The following ALPL variants were observed in gnomAD, a reference collection of about 807,000 sequenced individuals.
ALPL encodes alkaline phosphatase, tissue-nonspecific isozyme.
Under a neutral mutation model 51.3 loss-of-function variants are expected in ALPL, and 42 were observed. That is an observed-to-expected ratio of 0.82 (90% CI 0.64 to 1.06). The LOEUF (loss-of-function observed/expected upper bound fraction) is 1.06, where lower values mean the gene tolerates loss of function less well. Among genes scored for constraint, ALPL ranks in the 50% least tolerant of loss-of-function variants. The probability of loss-of-function intolerance (pLI) is 0.00; values close to 1 mark genes in which losing one functional copy is unlikely to be tolerated. For synonymous variants in ALPL, 279 were observed against 296.4 expected, an observed-to-expected ratio of 0.94 and a Z score of 0.60; for missense variants, 589 against 709.4, an observed-to-expected ratio of 0.83 and a Z score of 1.93.
Position 21,564,806 on chromosome 1 carries a change from A to T in ALPL, c.648+590A>T, listed in dbSNP as rs1644539883. Among the ~76,000 whole-genome samples, 1 of 152,156 alleles carries T rather than the reference A, an allele frequency of 6.6e-6. No individual in the cohort carries two copies. Among genetic ancestry groups the T allele is most frequent in the Admixed American group, 6.5e-5 (1 of 15,272 alleles). On this transcript the variant is annotated intron_variant, in intron 6 of 11. Transcript: ENST00000374840. This position sits in a 1 kb window ranked among gnomAD's most constrained non-coding sequence, Gnocchi z 5.8. ...GCTTATGCCAAGAACTGATTAAGAT[A>T]ATCCCTGTGGAGCTCAGCACAGGAC...
At chr1:21,563,943 G>T in intron 5 of ALPL, 98 bp from the exon 6 acceptor site, 1 of 1,479,834 alleles carries the variant, frequency 6.8e-7, no homozygotes, top group Non-Finnish European at 9.2e-7. Context: ...GAACTGAAGC[G>T]GGGGCCTGTC....
At chr1:21,565,671 C>T (rs1022865394) in intron 6 of ALPL, among the ~76,000 whole-genome samples, 19 of 152,034 alleles carry the variant, frequency 1.2e-4, no homozygotes, top group East Asian at 1.9e-4. Flanking sequence ...TGAGTGAGGA[C>T]GGAGGACCTG....
chr1:21,514,817 C>T (rs139975421), intron 1 of ALPL, among the ~76,000 whole-genome samples: 73 of 152,250 alleles, frequency 4.8e-4, no homozygotes, highest in Middle Eastern at 3.4e-3. Flanking sequence ...CAGGCACTTT[C>T]GCACATTACC....
chr1:21,553,831 G>A (rs1463659871), intron 1 of ALPL, 147 bp from the exon 2 acceptor site: 1 of 535,210 alleles, frequency 1.9e-6, no homozygotes, highest in Non-Finnish European at 3.4e-6. Flanking sequence ...AGCTGGGTTT[G>A]GCATCCCAAT....
At chr1:21,576,756 G>A (rs1291073607) in intron 11 of ALPL, 115 bp downstream of exon 11, 2 of 1,420,886 alleles carry the variant, frequency 1.4e-6, no homozygotes, top group East Asian at 2.4e-5. Context: ...ACTGGGGCTT[G>A]AGTCCCAGTT....
chr1:21,528,342 GTT>G (rs11368122), intron 1 of ALPL, among the ~76,000 whole-genome samples: 4,509 of 111,880 alleles, frequency 0.04, 248 homozygotes, highest in African/African-American at 0.069. Flanking sequence ...GACCTATTCA[GTT>G]TTTTTTTTTT....
intron 4 of ALPL, among the ~76,000 whole-genome samples, chr1:21,562,423 C>G (rs1644497121): frequency 6.6e-6 from 1 of 152,112 alleles, no homozygotes; most frequent in African/African-American, 2.4e-5. Flanking sequence ...GTAGCTATTG[C>G]TATTGGTGGT....
In ALPL at chr1:21,511,880, G is replaced by T. The variant is rs544628771; in HGVS notation, c.-105+2363G>T. Among the ~76,000 whole-genome samples, 33 of 152,364 alleles carry T rather than the reference G, an allele frequency of 2.2e-4. No homozygotes were observed. In the South Asian group the frequency reaches 6.4e-3, roughly 30 times the overall value. On this transcript the variant is annotated intron_variant, in intron 1 of 11. Coordinates refer to ENST00000374840, the MANE Select transcript of ALPL (RefSeq NM_000478.6). ...GAAGTGAGTTGCCCAGAGGCACACA[G>T]ATGCTACCTGAGGAGCTGGGGCTGG...
At chr1:21,536,497 G>A (rs1644107314) in intron 1 of ALPL, among the ~76,000 whole-genome samples, 1 of 152,182 alleles carries the variant, frequency 6.6e-6, no homozygotes, top group Admixed American at 6.5e-5. Flanking sequence ...AAGGCTTCAG[G>A]CATGGCTGCA....
In ALPL at chr1:21,511,971, G is replaced by A. The variant is rs117365956; in HGVS notation, c.-105+2454G>A. On this transcript the variant is annotated intron_variant, in intron 1 of 11. Coordinates refer to ENST00000374840, the MANE Select transcript of ALPL (RefSeq NM_000478.6). ...CTGTACCCATCTCTGGGCATATGAG[G>A]CCTTTTAATCCAGGGAGTAGGATCC... 1.2e-4 allele frequency among the ~76,000 whole-genome samples: 19 copies of A among 152,322 alleles called. No individual in the cohort carries two copies. The East Asian group carries it at 3.1e-3, about 25-fold the overall frequency.
intron 1 of ALPL, among the ~76,000 whole-genome samples, chr1:21,513,708 G>T (rs146782550): frequency 2.0e-5 from 3 of 152,210 alleles, no homozygotes; most frequent in African/African-American, 7.2e-5. Flanking sequence ...TGACTTTTGC[G>T]GTGATTAAAC....
intron 2 of ALPL, among the ~76,000 whole-genome samples, chr1:21,557,623 G>T (rs952262145): frequency 6.6e-6 from 1 of 152,250 alleles, no homozygotes; most frequent in Non-Finnish European, 1.5e-5. Context: ...AGGCTGGAGT[G>T]CAGTGGCACA....
chr1:21,535,482 T>C (rs1644093147), intron 1 of ALPL, among the ~76,000 whole-genome samples: 1 of 152,054 alleles, frequency 6.6e-6, no homozygotes, highest in South Asian at 2.1e-4. Context: ...CGTGGTGCTG[T>C]GCGCCGGTGG....
chr1:21,554,835 T>C (rs1459977640), intron 2 of ALPL, among the ~76,000 whole-genome samples: 1 of 134,162 alleles, frequency 7.5e-6, no homozygotes. Context: ...CTTTCTTTCT[T>C]TCTTTCTTTC....
chr1:21,541,934 C>A (rs2148113454), intron 1 of ALPL, among the ~76,000 whole-genome samples: 2 of 152,232 alleles, frequency 1.3e-5, no homozygotes, highest in South Asian at 4.1e-4. Context: ...GAAGTCTGAG[C>A]CTTACTATAA....
intron 1 of ALPL, 95 bp from the exon 2 acceptor site, chr1:21,553,883 A>G (rs1203536852): frequency 3.2e-6 from 2 of 625,202 alleles, no homozygotes; most frequent in African/African-American, 1.8e-5. Flanking sequence ...CTCACCGAAT[A>G]CTTGTTGAAT....
At chr1:21,524,414 C>A (rs957408984) in intron 1 of ALPL, among the ~76,000 whole-genome samples, 2 of 152,074 alleles carry the variant, frequency 1.3e-5, no homozygotes, top group Admixed American at 6.6e-5. Flanking sequence ...GAGCCAAGGA[C>A]TTCAAGGCTG....
At chr1:21,559,621 G>A (rs996044338) in intron 2 of ALPL, among the ~76,000 whole-genome samples, 1 of 152,206 alleles carries the variant, frequency 6.6e-6, no homozygotes, top group African/African-American at 2.4e-5. Flanking sequence ...CCGGGTTCAA[G>A]CAGTTCTCCT....
intron 5 of ALPL, 36 bp downstream of exon 5, chr1:21,563,320 T>C (rs1436688755): frequency 6.3e-7 from 1 of 1,588,864 alleles, no homozygotes; most frequent in Non-Finnish European, 8.6e-7. Flanking sequence ...AGGGCCAGCT[T>C]CGTGGCCTGT....
Sources: gnomAD v4.1 joint callset for allele counts (sites outside exome capture counted in the v4.1 genomes callset) on GRCh38, gnomAD v4.1.1 for gene constraint, Gnocchi (gnomAD v3.1) non-coding constraint, MANE v1.5 for transcripts, NCBI Gene and HGNC (gene_info 2026-07-23, HGNC 2026-07-21) for gene names.